BLNK: variants seen among roughly 807,000 people sequenced by gnomAD.
The protein encoded by BLNK is B cell linker, also known as B-cell linker protein.
A neutral mutation model predicts 73.5 loss-of-function variants in BLNK; 29 were observed. The ratio of observed to expected loss-of-function variants is 0.39; its 90% CI spans 0.29 to 0.54. The LOEUF is 0.54. BLNK is among the 20% of genes least tolerant of loss of function. BLNK has a pLI of 0.61. For missense variants in BLNK, 460 were observed against 562.8 expected (o/e 0.82, Z 1.85); for synonymous variants, 176 against 200.8 (o/e 0.88, Z 1.04).
rs2084038662 is a variant in BLNK, at chr10:96,215,341, G to C, written c.656C>G (p.Ser219Cys). The change falls in exon 8 of 17, where the codon TCT becomes TGT. Residue 219 changes from serine to cysteine, a missense_variant. Ser to Cys is a moderately radical substitution (Grantham distance 112, BLOSUM62 -1). Around this residue, in one of 3 missense-constraint regions of BLNK, gnomAD observed 233 missense variants for 232.1 expected, o/e 1.00. Transcript: ENST00000224337. ...TTTACCTGAAGCTGTTCCTGGAGGA[G>C]AGGCGGGCGTTGAGGAATTTGGCTT... The part of the protein sequence containing the change: ...STKPNSSTPA[S>C]PPGTASGRNS... 7 of 1,614,006 alleles carry C rather than the reference G, an allele frequency of 4.3e-6. No homozygotes were observed. Among genetic ancestry groups the C allele is most frequent in the Non-Finnish European group, 5.9e-6 (7 of 1,179,986 alleles).
chr10:96,204,704 A>G (rs1036738286), intron 11 of BLNK, 88 bp from the exon 12 acceptor site: 10 of 1,213,220 alleles, frequency 8.2e-6, no homozygotes, highest in Non-Finnish European at 1.2e-5. Flanking sequence ...GAAGAACCAA[A>G]TTTGATCAGA....
chr10:96,209,300 G>C (rs1473845462), intron 9 of BLNK, among the ~76,000 whole-genome samples: 2 of 152,234 alleles, frequency 1.3e-5, no homozygotes, highest in African/African-American at 4.8e-5. Context: ...GAAAGTCAGG[G>C]TGTCTTGTGG....
intron 11 of BLNK, 138 bp downstream of exon 11, chr10:96,206,873 G>A: frequency 1.0e-6 from 1 of 957,610 alleles, no homozygotes; most frequent in Non-Finnish European, 1.6e-6. Context: ...ATTGCTCATT[G>A]CAAAAACTAT....
intron 1 of BLNK, among the ~76,000 whole-genome samples, chr10:96,266,709 T>C (rs1182301205): frequency 6.6e-6 from 1 of 152,216 alleles, no homozygotes; most frequent in Admixed American, 6.5e-5. Context: ...GAAGTGGATC[T>C]AATCTCCACC....
intron 1 of BLNK, among the ~76,000 whole-genome samples, chr10:96,257,052 G>C (rs1489524968): frequency 6.6e-6 from 1 of 151,998 alleles, no homozygotes; most frequent in Non-Finnish European, 1.5e-5. Flanking sequence ...CAGCAGCCAG[G>C]TATCAGGAAC....
intron 6 of BLNK, among the ~76,000 whole-genome samples, chr10:96,218,902 C>A (rs904323896): frequency 1.3e-5 from 2 of 152,174 alleles, no homozygotes; most frequent in African/African-American, 4.8e-5. Context: ...TCTCAATCTG[C>A]AGTTATATTT....
chr10:96,225,782 A>G (rs1554902336), intron 5 of BLNK, among the ~76,000 whole-genome samples: 2 of 151,822 alleles, frequency 1.3e-5, no homozygotes, highest in African/African-American at 4.8e-5. Flanking sequence ...AGCTGGGATT[A>G]CTGGCATGCA....
chr10:96,241,775 G>A (rs1380027164), intron 3 of BLNK, among the ~76,000 whole-genome samples: 2 of 149,614 alleles, frequency 1.3e-5, no homozygotes, highest in African/African-American at 5.0e-5. Flanking sequence ...CTGTTGCCCT[G>A]GCTGGATTGC....
At chr10:96,245,779 T>TGTATGTATG (rs1314161672) in intron 2 of BLNK, among the ~76,000 whole-genome samples, 5 of 152,172 alleles carry the variant, frequency 3.3e-5, no homozygotes, top group Non-Finnish European at 5.9e-5. Context: ...ACAATGTCAG[T>TGTATGTATG]GTATGTATGT....
Position 96,266,206 on chromosome 10 carries a change from C to T in BLNK, c.47+5146G>A, listed in dbSNP as rs140904444. On this transcript the variant is annotated intron_variant, in intron 1 of 16. Coordinates refer to ENST00000224337, the MANE Select transcript of BLNK (RefSeq NM_013314.4). ...CACCTGTAGGGAGAAAACAAGAGAT[C>T]GTCTGTAAATACATGCCTGAAGAGT... is the stretch of plus-strand genomic sequence containing the variant. 9.8e-4 allele frequency among the ~76,000 whole-genome samples: 149 copies of T among 152,244 alleles called. 1 individual carries two copies. Among genetic ancestry groups the T allele is most frequent in the Non-Finnish European group, 1.7e-3 (116 of 68,020 alleles).
At chr10:96,251,700 G>A (rs1843292635) in intron 1 of BLNK, among the ~76,000 whole-genome samples, 2 of 152,164 alleles carry the variant, frequency 1.3e-5, no homozygotes, top group East Asian at 1.9e-4. Context: ...AAAATGGTGA[G>A]CAGGTCATAT....
intron 1 of BLNK, among the ~76,000 whole-genome samples, chr10:96,253,980 C>T (rs1843401987): frequency 6.6e-6 from 1 of 150,850 alleles, no homozygotes; most frequent in Admixed American, 6.6e-5. Flanking sequence ...GAGATCGTGC[C>T]ACTGCACTCC....
chr10:96,261,863 A>G (rs572112338), intron 1 of BLNK, among the ~76,000 whole-genome samples: 16 of 152,314 alleles, frequency 1.1e-4, no homozygotes, highest in Middle Eastern at 6.8e-3. Flanking sequence ...TTAAAAAATT[A>G]TTTTTCATAA....
chr10:96,229,015 C>T (rs7075814), intron 4 of BLNK, among the ~76,000 whole-genome samples: 104,938 of 151,988 alleles, frequency 0.69, 39,186 homozygotes, highest in Non-Finnish European at 0.83. Flanking sequence ...AGGCATACAA[C>T]GTGTAGTAAT....
At chr10:96,216,252 C>T (rs1424766533) in intron 7 of BLNK, 1 of 236,570 alleles carries the variant, frequency 4.2e-6, no homozygotes, top group Non-Finnish European at 8.4e-6. Flanking sequence ...GGACTCAGGG[C>T]ATATTTCACT....
intron 1 of BLNK, among the ~76,000 whole-genome samples, chr10:96,249,279 T>A (rs1316854083): frequency 6.6e-6 from 1 of 152,216 alleles, no homozygotes; most frequent in Non-Finnish European, 1.5e-5. Context: ...GTTGAGGACA[T>A]CTGGGAGAAA....
intron 6 of BLNK, among the ~76,000 whole-genome samples, chr10:96,218,427 G>A (rs1203147771): frequency 5.3e-5 from 8 of 152,052 alleles, no homozygotes; most frequent in African/African-American, 1.2e-4. Context: ...ACAGTGGCTC[G>A]TGCCTGTAAT....
chr10:96,202,263 T>C (rs1335422538), intron 13 of BLNK, among the ~76,000 whole-genome samples: 10 of 152,158 alleles, frequency 6.6e-5, no homozygotes, highest in Admixed American at 1.3e-4. Context: ...GATCTGCCTA[T>C]GTTTTAACAG....
chr10:96,246,081 G>A (rs1211372926), intron 2 of BLNK, among the ~76,000 whole-genome samples: 2 of 151,648 alleles, frequency 1.3e-5, no homozygotes, highest in Non-Finnish European at 2.9e-5. Context: ...ACCTACTAAG[G>A]TACGTCTACC....
Sources: gnomAD v4.1 joint callset for allele counts (sites outside exome capture counted in the v4.1 genomes callset) on GRCh38, gnomAD v4.1.1 for gene constraint, gnomAD v4.1.1 regional missense constraint, MANE v1.5 for transcripts, NCBI Gene and HGNC (gene_info 2026-07-23, HGNC 2026-07-21) for gene names.